The following PLEKHD1 variants were observed in gnomAD, a reference collection of about 807,000 sequenced individuals.
PLEKHD1 encodes pleckstrin homology and coiled-coil domain containing D1, also known as pleckstrin homology domain-containing family D member 1.
In PLEKHD1, 51 loss-of-function variants were observed where a neutral mutation model predicts 69.2. That is an observed-to-expected ratio of 0.74 (90% CI 0.59 to 0.93). The LOEUF (loss-of-function observed/expected upper bound fraction) is 0.93, where lower values mean the gene tolerates loss of function less well. Ranked by LOEUF, PLEKHD1 falls within the 40% of genes least tolerant of loss-of-function variation. PLEKHD1 has a pLI of 0.00. For synonymous variants in PLEKHD1, 236 were observed against 244.7 expected (o/e 0.96, Z 0.33); for missense variants, 584 against 641.0 (o/e 0.91, Z 0.96).
chr14:69,528,834 C>G lies in PLEKHD1; in HGVS notation c.*415C>G, dbSNP rs565527978. On this transcript the variant is annotated 3_prime_UTR_variant, in exon 13 of 13. Coordinates refer to ENST00000322564, the MANE Select transcript of PLEKHD1 (RefSeq NM_001161498.2). ...CCCACTGGACCTCTCTGGGACTCTG[C>G]TGCCCTGCCCGTGGTCCTCATGTAG... 107 of 176,076 alleles carry G rather than the reference C, an allele frequency of 6.1e-4. 1 individual carries two copies. In the East Asian group the frequency reaches 0.012, roughly 19 times the overall value. 10.9% of individuals were successfully genotyped at this position (176,076 alleles called of 1,614,324 possible).
chr14:69,485,151 G>C lies in PLEKHD1; in HGVS notation c.149+37G>C, dbSNP rs553521508. The C allele has an allele frequency of 2.6e-6, 4 of 1,537,148 alleles. No homozygotes were observed. In the Admixed American group the frequency reaches 7.9e-5, roughly 30 times the overall value. ...CCCGCGCCCCAAGGAGACCGCCGGGGAGAGAGCCTGGGCGTCGTTACCCCT... is the reference window on the plus strand; with the variant it reads ...CCCGCGCCCCAAGGAGACCGCCGGGCAGAGAGCCTGGGCGTCGTTACCCCT... On this transcript the variant is annotated intron_variant, in intron 1 of 12. Coordinates refer to ENST00000322564, the MANE Select transcript of PLEKHD1 (RefSeq NM_001161498.2).
the PLEKHD1 span, among the ~76,000 whole-genome samples, chr14:69,472,432 T>A: frequency 6.6e-6 from 1 of 152,238 alleles, no homozygotes; most frequent in Non-Finnish European, 1.5e-5. Context: ...GAGTTAAAAC[T>A]GTAACCTGTC....
At chr14:69,484,273 C>T (rs1308640483), upstream of PLEKHD1, among the ~76,000 whole-genome samples, 3 of 152,248 alleles carry the variant, frequency 2.0e-5, no homozygotes, top group East Asian at 1.9e-4. Flanking sequence ...GCCAGACCGC[C>T]GCAGTTCACG....
chr14:69,520,154 G>A (rs1360789909), intron 6 of PLEKHD1, among the ~76,000 whole-genome samples: 6 of 118,578 alleles, frequency 5.1e-5, no homozygotes, highest in African/African-American at 1.3e-4. Flanking sequence ...GTGACAGAGC[G>A]AGACTCTGTC....
chr14:69,485,172 C>G, intron 1 of PLEKHD1, 58 bp downstream of exon 1: 2 of 1,495,312 alleles, frequency 1.3e-6, no homozygotes, highest in Non-Finnish European at 1.8e-6. Flanking sequence ...GGCGTCGTTA[C>G]CCCTCCCACC....
intron 11 of PLEKHD1, 138 bp downstream of exon 11, chr14:69,527,470 C>A: frequency 1.6e-6 from 2 of 1,274,712 alleles, no homozygotes; most frequent in South Asian, 1.4e-5. Context: ...GTTTCTTCTC[C>A]AGTTACCTGC....
rs142986548 is a variant in PLEKHD1, at chr14:69,517,415, G to T, written c.556-4868G>T. ...ATGGAGCTCAACCAAGAGTAGGGAC[G>T]ACAGGTATCAACATAGGAGTCATTT... is the stretch of plus-strand genomic sequence containing the variant. On this transcript the variant is annotated intron_variant, in intron 6 of 12. Transcript: ENST00000322564. Among the ~76,000 whole-genome samples, 366 of 151,964 alleles carry T rather than the reference G, an allele frequency of 2.4e-3. 1 individual carries two copies. Among genetic ancestry groups the T allele is most frequent in the African/African-American group, 8.4e-3 (349 of 41,384 alleles).
chr14:69,513,831 C>T (rs559160044), intron 6 of PLEKHD1, among the ~76,000 whole-genome samples: 2 of 152,302 alleles, frequency 1.3e-5, no homozygotes, highest in African/African-American at 4.8e-5. Context: ...AAGTATTCCT[C>T]CTTCACTTTT....
intron 1 of PLEKHD1, among the ~76,000 whole-genome samples, chr14:69,491,427 C>T (rs1415068855): frequency 6.6e-6 from 1 of 152,148 alleles, no homozygotes; most frequent in African/African-American, 2.4e-5. Context: ...TTGGATCCTC[C>T]CAGGATCCTC....
intron 1 of PLEKHD1, among the ~76,000 whole-genome samples, chr14:69,488,735 C>T (rs1418300501): frequency 6.6e-6 from 1 of 151,910 alleles, no homozygotes; most frequent in Non-Finnish European, 1.5e-5. Context: ...GTGTCTCTGC[C>T]TCCAGAAAAA....
At chr14:69,476,396 C>A in the PLEKHD1 span, among the ~76,000 whole-genome samples, 1,226 of 136,488 alleles carry the variant, frequency 9.0e-3, 21 homozygotes, top group African/African-American at 0.031. Context: ...GGCCCTATTT[C>A]AAAAAAAAAA....
chr14:69,500,048 CTTG>C lies in PLEKHD1; in HGVS notation c.150-62_150-60del, dbSNP rs752474555. 27 of 1,176,892 alleles carry C rather than the reference CTTG, an allele frequency of 2.3e-5. No homozygotes were observed. The East Asian group carries it at 5.9e-4, about 26-fold the overall frequency. 72.9% of individuals were successfully genotyped at this position (1,176,892 alleles called of 1,614,324 possible). A position where few individuals can be genotyped will look rare whatever the true frequency, so the allele number is the denominator to read the frequency against. On this transcript the variant is annotated intron_variant, in intron 1 of 12. Coordinates refer to ENST00000322564, the MANE Select transcript of PLEKHD1 (RefSeq NM_001161498.2). The stretch of plus-strand genomic sequence containing the variant: ...TGAGTCCAGGGCCCCCAAGGGTGCT[CTTG>C]TTGTCCCAAGAAACCTCACCCCTTC...
chr14:69,500,940 G>C lies in PLEKHD1; in HGVS notation c.403G>C (p.Gly135Arg). ...GTGGCTGGAGATGCTGCAGGAGTCT[G>C]GGAAGGTGTAAGTGCTCACAGCCAG... ...TQWLEMLQES[G>R]KVTWKNAQLG... The change falls in exon 4 of 13, where the codon GGG (glycine) becomes CGG (arginine). Residue 135 changes from glycine (G) to arginine (R), a missense_variant. Gly to Arg is a moderately radical substitution (Grantham distance 125, BLOSUM62 -2). Transcript: ENST00000322564. 6.4e-7 allele frequency: 1 copy of C among 1,551,542 alleles called. No homozygotes were observed. Among genetic ancestry groups the C allele is most frequent in the Admixed American group, 2.0e-5 (1 of 51,000 alleles).
intron 6 of PLEKHD1, among the ~76,000 whole-genome samples, chr14:69,511,258 A>G (rs1883265118): frequency 6.6e-6 from 1 of 152,198 alleles, no homozygotes; most frequent in Admixed American, 6.5e-5. Context: ...TCCTGGGTTC[A>G]AGCGATCCTC....
chr14:69,500,679 C>T lies in PLEKHD1; in HGVS notation c.333+13C>T. On this transcript the variant is annotated intron_variant, in intron 3 of 12. Transcript: ENST00000322564. ...CCAGGACTTCCATGTGAGTAAAGCT[C>T]TTCCCTCAGCCTGGGCTCCGCAGGA... is the stretch of plus-strand genomic sequence containing the variant. 1 of 1,550,238 alleles carries T rather than the reference C, an allele frequency of 6.5e-7. No individual in the cohort carries two copies.
chr14:69,511,309 C>T (rs543184771), intron 6 of PLEKHD1, among the ~76,000 whole-genome samples: 1 of 152,182 alleles, frequency 6.6e-6, no homozygotes, highest in Non-Finnish European at 1.5e-5. Flanking sequence ...AAGGTATGTG[C>T]CACCATGCCC....
chr14:69,485,123 G>A lies in PLEKHD1; in HGVS notation c.149+9G>A. On this transcript the variant is annotated intron_variant, in intron 1 of 12. Coordinates refer to ENST00000322564, the MANE Select transcript of PLEKHD1 (RefSeq NM_001161498.2). The stretch of plus-strand genomic sequence containing the variant: ...GCCAAGTGGTCCCGGCGGTGAGTGC[G>A]CCCCCGCGCCCCAAGGAGACCGCCG... 2.6e-6 allele frequency: 4 copies of A among 1,547,250 alleles called. No homozygotes were observed. The highest frequency in any genetic ancestry group is 1.7e-4 in the Middle Eastern group (1 of 5,726).
intron 1 of PLEKHD1, among the ~76,000 whole-genome samples, chr14:69,487,060 G>GT (rs1285828534): frequency 6.6e-6 from 1 of 152,114 alleles, no homozygotes; most frequent in Non-Finnish European, 1.5e-5. Context: ...TGTTACCTGG[G>GT]TTCCCTTCCT....
At chr14:69,485,669 AC>A (rs1882640757) in intron 1 of PLEKHD1, among the ~76,000 whole-genome samples, 1 of 152,150 alleles carries the variant, frequency 6.6e-6, no homozygotes, top group Non-Finnish European at 1.5e-5. Flanking sequence ...GACCTTGGCA[AC>A]CCCTCCAACT....
Sources: allele counts gnomAD v4.1 joint callset (sites outside exome capture counted in the v4.1 genomes callset), GRCh38; gene constraint gnomAD v4.1.1; transcripts MANE v1.5; gene names NCBI Gene and HGNC (gene_info 2026-07-23, HGNC 2026-07-21).